Variants in ZFPM1 observed in about 807,000 individuals in gnomAD.
The protein encoded by ZFPM1 is zinc finger protein, FOG family member 1.
ZFPM1 carries 28 observed loss-of-function variants against 46.3 expected under a neutral mutation model. That is an observed-to-expected ratio of 0.60 (90% CI 0.45 to 0.83). The LOEUF is 0.83. Ranked by LOEUF, ZFPM1 falls within the 40% of genes least tolerant of loss-of-function variation. The pLI, the probability that ZFPM1 is intolerant of heterozygous loss-of-function variation, is 0.00. For missense variants in ZFPM1, 1,878 were observed against 1,432.4 expected, an observed-to-expected ratio of 1.31 and a Z score of -5.02; for synonymous variants, 957 against 675.9, an observed-to-expected ratio of 1.42 and a Z score of -6.45.
chr16:88,519,693 G>T, intron 4 of ZFPM1, among the ~76,000 whole-genome samples: 1 of 134,390 alleles, frequency 7.4e-6, no homozygotes, highest in African/African-American at 2.8e-5. Context: ...GAGGGTGGGT[G>T]GGTGGATGGA....
At chr16:88,467,032 C>T (rs1908167114) in intron 1 of ZFPM1, among the ~76,000 whole-genome samples, 3 of 152,114 alleles carry the variant, frequency 2.0e-5, no homozygotes, top group Admixed American at 2.0e-4. Context: ...TCTCCAAAGC[C>T]CTCTCTGCCC....
At chr16:88,475,264 C>T (rs1908624122) in intron 1 of ZFPM1, among the ~76,000 whole-genome samples, 3 of 152,208 alleles carry the variant, frequency 2.0e-5, no homozygotes, top group Non-Finnish European at 2.9e-5. Context: ...CCTGGCAGGG[C>T]CCAGGCCCTG....
chr16:88,466,148 G>A (rs1426369466), intron 1 of ZFPM1, among the ~76,000 whole-genome samples: 1 of 152,156 alleles, frequency 6.6e-6, no homozygotes, highest in East Asian at 1.9e-4. Context: ...GAGATCCTCT[G>A]GGAACCCAAA....
rs536163812 is a variant in ZFPM1 at position 88,523,537 on chromosome 16, C to T, written c.403-3277C>T. On this transcript the variant is annotated intron_variant, in intron 4 of 9. Transcript: ENST00000319555. ...GGCAAGACCCTGGTTCAGGGCTGGCCGTGTCCATGCCACCTCCAGGCTGGG... is the reference window on the plus strand; with the variant it reads ...GGCAAGACCCTGGTTCAGGGCTGGCTGTGTCCATGCCACCTCCAGGCTGGG... 1.2e-4 allele frequency among the ~76,000 whole-genome samples: 18 copies of T among 152,180 alleles called. No homozygotes were observed. The East Asian group carries it at 1.4e-3, about 12-fold the overall frequency.
chr16:88,526,466 C>G (rs954590169), intron 4 of ZFPM1, among the ~76,000 whole-genome samples: 27 of 117,574 alleles, frequency 2.3e-4, no homozygotes, highest in African/African-American at 8.1e-4. Flanking sequence ...GATACGCAGA[C>G]CCGGGTGTGA....
chr16:88,487,041 T>C (rs530907240), intron 2 of ZFPM1, among the ~76,000 whole-genome samples: 1 of 152,288 alleles, frequency 6.6e-6, no homozygotes, highest in South Asian at 2.1e-4. Flanking sequence ...GCCCTCCTGG[T>C]GGCCAATTCC....
At chr16:88,526,694 T>C in intron 4 of ZFPM1, 120 bp from the exon 5 acceptor site, 1 of 1,101,686 alleles carries the variant, frequency 9.1e-7, no homozygotes, top group Non-Finnish European at 1.3e-6. Context: ...TGTCCACAGC[T>C]TGGCCTACCA....
chr16:88,473,249 G>A lies in ZFPM1; in HGVS notation c.41-12690G>A, dbSNP rs1054616671. On this transcript the variant is annotated intron_variant, in intron 1 of 9. Transcript: ENST00000319555. Reference sequence around the variant, plus strand: ...CTGCTCCTGGCCCCCGGGAATCTCCGGGATGGCCCACTTGGAAGAGGATGG... The same window carrying A: ...CTGCTCCTGGCCCCCGGGAATCTCCAGGATGGCCCACTTGGAAGAGGATGG... 4.6e-5 allele frequency among the ~76,000 whole-genome samples: 7 copies of A among 152,360 alleles called. No individual in the cohort carries two copies. In the East Asian group the frequency reaches 1.2e-3, roughly 25 times the overall value.
At chr16:88,489,299 A>C in intron 3 of ZFPM1, 146 bp downstream of exon 3, 40 of 1,277,762 alleles carry the variant, frequency 3.1e-5, no homozygotes, top group Non-Finnish European at 3.9e-5. Context: ...TCCAAAGCTC[A>C]GCCAACCCGT....
intron 3 of ZFPM1, among the ~76,000 whole-genome samples, chr16:88,510,312 C>T (rs1163949114): frequency 5.3e-5 from 8 of 152,206 alleles, no homozygotes; most frequent in Non-Finnish European, 7.4e-5. Flanking sequence ...CCAGACCCAC[C>T]GGGCTCCCCT....
intron 1 of ZFPM1, among the ~76,000 whole-genome samples, chr16:88,462,599 GGA>G (rs1907948199): frequency 6.6e-6 from 1 of 152,186 alleles, no homozygotes; most frequent in African/African-American, 2.4e-5. Context: ...TTCCTGAGAA[GGA>G]GAGGGCAGCC....
chr16:88,514,548 C>G (rs1218663256), intron 4 of ZFPM1, 28 bp downstream of exon 4: 3 of 1,540,750 alleles, frequency 1.9e-6, no homozygotes, highest in Non-Finnish European at 2.6e-6. Context: ...CCGCCCCTGC[C>G]CGCCCACCCC....
Position 88,535,262 on chromosome 16 carries a change from T to C in ZFPM1, c.*283T>C, listed in dbSNP as rs1913197852. 7.2e-6 allele frequency: 2 copies of C among 278,894 alleles called. No homozygotes were observed. The highest frequency in any genetic ancestry group is 2.9e-4 in the South Asian group (2 of 6,960). The allele number at this position is 278,894 out of a possible 1,614,324, so 17.3% of individuals were successfully genotyped here. A position where few individuals can be genotyped will look rare whatever the true frequency, so the allele number is the denominator to read the frequency against. On this transcript the variant is annotated 3_prime_UTR_variant, in exon 10 of 10. Coordinates refer to ENST00000319555, the MANE Select transcript of ZFPM1 (RefSeq NM_153813.3). ...GTACACAGGCCACTGCGGCCCGGAGTGGCTGGGCCCCTGCCGGAGTTACAC... is the reference window on the plus strand; with the variant it reads ...GTACACAGGCCACTGCGGCCCGGAGCGGCTGGGCCCCTGCCGGAGTTACAC...
At chr16:88,530,114 C>A (rs887274347) in intron 6 of ZFPM1, among the ~76,000 whole-genome samples, 2 of 152,238 alleles carry the variant, frequency 1.3e-5, no homozygotes, top group South Asian at 4.2e-4. Context: ...GGCCATTGCA[C>A]CCCTCCACCA....
intron 1 of ZFPM1, among the ~76,000 whole-genome samples, chr16:88,479,585 C>T (rs1287032776): frequency 6.6e-6 from 1 of 152,132 alleles, no homozygotes; most frequent in African/African-American, 2.4e-5. Flanking sequence ...TGCCCGCTGC[C>T]CAGCTGGTGG....
chr16:88,455,061 C>T (rs1282337113), intron 1 of ZFPM1, among the ~76,000 whole-genome samples: 1 of 152,176 alleles, frequency 6.6e-6, no homozygotes, highest in East Asian at 1.9e-4. Context: ...AAGCCACCCA[C>T]AGGTCCCGAT....
At chr16:88,520,362 GGTGGATGGATGA>G (rs1911738599) in intron 4 of ZFPM1, among the ~76,000 whole-genome samples, 1 of 151,694 alleles carries the variant, frequency 6.6e-6, no homozygotes, top group Admixed American at 6.6e-5. Flanking sequence ...TGAATAGATG[GGTGGATGGATGA>G]GTGGATGGAT....
At chr16:88,483,127 G>A (rs1010761595) in intron 1 of ZFPM1, among the ~76,000 whole-genome samples, 1 of 152,088 alleles carries the variant, frequency 6.6e-6, no homozygotes, top group Non-Finnish European at 1.5e-5. Flanking sequence ...TGTGGTCTGA[G>A]CCCAGCCCCC....
intron 2 of ZFPM1, among the ~76,000 whole-genome samples, chr16:88,488,290 G>A (rs1044338875): frequency 1.3e-5 from 2 of 152,162 alleles, no homozygotes; most frequent in African/African-American, 2.4e-5. Flanking sequence ...AGGGCCGCAT[G>A]GGGGCGGGGG....
Sources: allele counts gnomAD v4.1 joint callset (sites outside exome capture counted in the v4.1 genomes callset), GRCh38; gene constraint gnomAD v4.1.1; transcripts MANE v1.5; gene names NCBI Gene and HGNC (gene_info 2026-07-23, HGNC 2026-07-21).